The following RYR2 variants were observed in gnomAD, a reference collection of about 807,000 sequenced individuals.
The protein encoded by RYR2 is ryanodine receptor 2.
In RYR2, 227 loss-of-function variants were observed where a neutral mutation model predicts 601.1. The ratio of observed to expected loss-of-function variants is 0.38; its 90% CI spans 0.34 to 0.42. The LOEUF (loss-of-function observed/expected upper bound fraction) is 0.42. RYR2 is among the 10% of genes least tolerant of loss of function. RYR2 has a pLI of 1.00. For synonymous variants in RYR2, 2,223 were observed against 2,175.1 expected, an observed-to-expected ratio of 1.02 and a Z score of -0.61; for missense variants, 4,646 against 6,156.5, an observed-to-expected ratio of 0.75 and a Z score of 8.21.
chr1:237,042,715 C>A, intron 1 of RYR2, 146 bp downstream of exon 1: 1 of 764,488 alleles, frequency 1.3e-6, no homozygotes, highest in Non-Finnish European at 1.8e-6. Flanking sequence ...GAGCGGGCAT[C>A]ACCAAGTGTG....
chr1:237,728,137 A>T (rs967070109), intron 76 of RYR2, among the ~76,000 whole-genome samples: 1 of 152,176 alleles, frequency 6.6e-6, no homozygotes, highest in Non-Finnish European at 1.5e-5. Flanking sequence ...CACCTAGAAC[A>T]GTGACTTGTA....
At chr1:237,441,181 A>T (rs759206910) in intron 12 of RYR2, 138 bp from the exon 13 acceptor site, 7 of 711,364 alleles carry the variant, frequency 9.8e-6, no homozygotes, top group African/African-American at 1.8e-5. Context: ...GTTAGAGTAA[A>T]ATATTTGGCC....
At chr1:237,422,335 A>AT (rs2150054079) in intron 11 of RYR2, among the ~76,000 whole-genome samples, 1 of 152,274 alleles carries the variant, frequency 6.6e-6, no homozygotes, top group East Asian at 1.9e-4. Context: ...TAGCATATCC[A>AT]TCATCTCAAA....
chr1:237,824,118 A>T (rs1363651694), intron 101 of RYR2, among the ~76,000 whole-genome samples: 4 of 152,212 alleles, frequency 2.6e-5, no homozygotes, highest in African/African-American at 9.7e-5. Flanking sequence ...AGCTGGTACC[A>T]TTCCTTTGAA....
At chr1:237,584,099 G>A (rs1674234508) in intron 29 of RYR2, among the ~76,000 whole-genome samples, 1 of 152,150 alleles carries the variant, frequency 6.6e-6, no homozygotes, top group Non-Finnish European at 1.5e-5. Context: ...TTTGCAGGGT[G>A]TCAATTAAGG....
At chr1:237,207,246 TA>T (rs1254232760) in intron 1 of RYR2, among the ~76,000 whole-genome samples, 1 of 152,016 alleles carries the variant, frequency 6.6e-6, no homozygotes, top group African/African-American at 2.4e-5. Context: ...GCTCCTGCCT[TA>T]TGAATGGGAT....
intron 84 of RYR2, among the ~76,000 whole-genome samples, chr1:237,768,458 C>A (rs527662159): frequency 1.3e-5 from 2 of 152,284 alleles, no homozygotes; most frequent in African/African-American, 4.8e-5. Flanking sequence ...AAATACCTCT[C>A]CCTTTATTAC....
intron 57 of RYR2, among the ~76,000 whole-genome samples, chr1:237,667,452 G>C (rs564006686): frequency 6.6e-6 from 1 of 152,126 alleles, no homozygotes; most frequent in Non-Finnish European, 1.5e-5. Context: ...CTAGTCTAAG[G>C]TCTCTCACCT....
rs1010150339 is a variant in RYR2 at position 237,742,367 on chromosome 1, G to A, written c.11145+18G>A. 26 of 1,531,274 alleles carry A rather than the reference G, an allele frequency of 1.7e-5. No individual in the cohort carries two copies. The highest frequency in any genetic ancestry group is 2.2e-5 in the Non-Finnish European group (25 of 1,121,786). 94.9% of individuals were successfully genotyped at this position (1,531,274 alleles called of 1,614,324 possible). A position where few individuals can be genotyped will look rare whatever the true frequency, so the allele number is the denominator to read the frequency against. On this transcript the variant is annotated intron_variant, in intron 80 of 104. Coordinates refer to ENST00000366574, the MANE Select transcript of RYR2 (RefSeq NM_001035.3). ...GTTTTGAAGTAAGATGGATCTTTCT[G>A]GATTTGCCTTTCTTTCTATCTTGAA...
At chr1:237,531,705 A>G (rs1231965244) in intron 25 of RYR2, among the ~76,000 whole-genome samples, 2 of 152,186 alleles carry the variant, frequency 1.3e-5, no homozygotes, top group Non-Finnish European at 2.9e-5. Context: ...TAAAAACTGT[A>G]TTGTTACCTC....
intron 72 of RYR2, among the ~76,000 whole-genome samples, chr1:237,717,831 AAT>A (rs1314083686): frequency 3.3e-5 from 5 of 151,824 alleles, no homozygotes; most frequent in African/African-American, 1.2e-4. Flanking sequence ...AAGATTTTAC[AAT>A]GTCCTCTGAG....
chr1:237,233,859 G>A (rs1438925670), intron 1 of RYR2, among the ~76,000 whole-genome samples: 1 of 150,416 alleles, frequency 6.6e-6, no homozygotes, highest in African/African-American at 2.5e-5. Context: ...GCTAATTTTT[G>A]TATTTTTTTT....
In RYR2 at chr1:237,610,757, G is replaced by A. The variant is rs7522981; in HGVS notation, c.4684-5G>A. ...TTATTCTTTTTCTGCCTCCCCATCC[G>A]CTAGAATGTGATGCCTCTCTCGGCG... On this transcript the variant is annotated splice_region_variant and splice_polypyrimidine_tract_variant and intron_variant, in intron 35 of 104. Transcript: ENST00000366574. The surrounding 1 kb of genome is among the most constrained non-coding windows in gnomAD (Gnocchi z 4.9). The A allele has an allele frequency of 6.9e-6, 11 of 1,593,292 alleles. No homozygotes were observed. The highest frequency in any genetic ancestry group is 2.3e-5 in the South Asian group (2 of 88,218).
intron 8 of RYR2, among the ~76,000 whole-genome samples, chr1:237,385,433 A>G (rs1306179151): frequency 1.3e-5 from 2 of 152,210 alleles, no homozygotes; most frequent in South Asian, 4.1e-4. Context: ...ATGTTTATAT[A>G]CTGAGGTACA....
intron 84 of RYR2, among the ~76,000 whole-genome samples, chr1:237,768,330 CA>C (rs1380214904): frequency 2.6e-5 from 4 of 152,098 alleles, no homozygotes; most frequent in African/African-American, 7.2e-5. Context: ...CCACAATTTA[CA>C]AAAAATTACC....
At position 237,706,990 on chromosome 1, in the gene RYR2, A is replaced by T. The variant is rs759287878; in HGVS notation, c.9622A>T (p.Ile3208Leu). The change falls in exon 68 of 105, where the codon ATA (isoleucine) becomes TTA (leucine). Residue 3208 changes from isoleucine (I) to leucine (L), a missense_variant. Ile to Leu is a conservative substitution (Grantham distance 5). Coordinates refer to ENST00000366574, the MANE Select transcript of RYR2 (RefSeq NM_001035.3). ...PTNVEDVCPN[I>L]PSLEKLMEEI... ...TAATGTGGAAGATGTTTGTCCAAAC[A>T]TACCGTCTTTGGAGAAACTCATGGA... is the stretch of plus-strand genomic sequence containing the variant. The T allele has an allele frequency of 6.2e-7, 1 of 1,613,974 alleles. No individual in the cohort carries two copies.
rs758248910 is a variant in RYR2 at position 237,701,962 on chromosome 1, T to A, written c.9368-16T>A. On this transcript the variant is annotated splice_polypyrimidine_tract_variant and intron_variant, in intron 65 of 104. Transcript: ENST00000366574. ...AAGTGGGTTTTTCTTTCAAGTGAGA[T>A]TCTCTTTTTCCTTAGTGGAAGATGT... is the stretch of plus-strand genomic sequence containing the variant. The A allele has an allele frequency of 4.0e-6, 6 of 1,505,392 alleles. No individual in the cohort carries two copies. The Admixed American group carries it at 1.0e-4, about 26-fold the overall frequency. The allele number at this position is 1,505,392 out of a possible 1,614,324, so 93.3% of individuals were successfully genotyped here. A position where few individuals can be genotyped will look rare whatever the true frequency, so the allele number is the denominator to read the frequency against.
At chr1:237,086,546 T>C (rs955139719) in intron 1 of RYR2, among the ~76,000 whole-genome samples, 1 of 152,182 alleles carries the variant, frequency 6.6e-6, no homozygotes, top group Non-Finnish European at 1.5e-5. Flanking sequence ...TCCCAGTCTG[T>C]TACCTTTATC....
chr1:237,634,105 G>T (rs1680617742), intron 43 of RYR2, among the ~76,000 whole-genome samples: 1 of 152,018 alleles, frequency 6.6e-6, no homozygotes, highest in Non-Finnish European at 1.5e-5. Flanking sequence ...TTTACTTCTG[G>T]GTATATATAT....
Sources: gnomAD v4.1 joint callset for allele counts (sites outside exome capture counted in the v4.1 genomes callset) on GRCh38, gnomAD v4.1.1 for gene constraint, Gnocchi (gnomAD v3.1) non-coding constraint, MANE v1.5 for transcripts, NCBI Gene and HGNC (gene_info 2026-07-23, HGNC 2026-07-21) for gene names.